The following PAAF1 variants were observed in gnomAD, a reference collection of about 807,000 sequenced individuals.
PAAF1 encodes proteasomal ATPase-associated factor 1.
A neutral mutation model predicts 52.8 loss-of-function variants in PAAF1; 46 were observed. That is an observed-to-expected ratio of 0.87 (90% CI 0.69 to 1.11). The LOEUF (loss-of-function observed/expected upper bound fraction) is 1.11, where lower values mean the gene tolerates loss of function less well. Ranked by LOEUF, PAAF1 falls within the 50% of genes most tolerant of loss-of-function variation. The pLI is 0.00. For synonymous variants in PAAF1, 178 were observed against 172.8 expected (o/e 1.03, Z -0.24); for missense variants, 424 against 477.4 (o/e 0.89, Z 1.04).
chr11:73,906,113 A>G lies in PAAF1; in HGVS notation c.533-3286A>G, dbSNP rs114085374. ...ATAAGAAACAAGATGGCAGCAAACC[A>G]TATGGGCTTGATAGATCTGTTTTTG... On this transcript the variant is annotated intron_variant, in intron 6 of 11. Transcript: ENST00000310571. 5.4e-3 allele frequency among the ~76,000 whole-genome samples: 824 copies of G among 152,360 alleles called. 8 individuals carry two copies. The highest frequency in any genetic ancestry group is 0.018 in the African/African-American group (745 of 41,580).
chr11:73,888,484 T>C (rs1321630628), intron 3 of PAAF1, among the ~76,000 whole-genome samples: 1 of 152,212 alleles, frequency 6.6e-6, no homozygotes, highest in Non-Finnish European at 1.5e-5. Context: ...TCCCTACTCA[T>C]TCTGACTGCT....
At chr11:73,895,938 C>T (rs1338646076) in intron 4 of PAAF1, among the ~76,000 whole-genome samples, 1 of 152,130 alleles carries the variant, frequency 6.6e-6, no homozygotes, top group African/African-American at 2.4e-5. Context: ...GGGACCCCAT[C>T]TCTCCAAAAA....
At chr11:73,922,810 C>T (rs1350221820) in intron 10 of PAAF1, among the ~76,000 whole-genome samples, 1 of 140,502 alleles carries the variant, frequency 7.1e-6, no homozygotes, top group African/African-American at 2.8e-5. Flanking sequence ...GAGCGAGACT[C>T]CGTCTCAAAA....
Position 73,929,287 on chromosome 11 carries a change from T to TGA in PAAF1, c.*1925_*1926insGA, listed in dbSNP as rs1950424439. 6.6e-6 allele frequency: 1 copy of TGA among 152,122 alleles called. No homozygotes were observed. The highest frequency in any genetic ancestry group is 1.5e-5 in the Non-Finnish European group (1 of 68,032). The allele number at this position is 152,122 out of a possible 1,614,324, so 9.4% of individuals were successfully genotyped here. A position where few individuals can be genotyped will look rare whatever the true frequency, so the allele number is the denominator to read the frequency against. On this transcript the variant is annotated 3_prime_UTR_variant, in exon 12 of 12. Transcript: ENST00000310571. ...GGTCTCAAACTCCTGAACTCAAGTA[T>TGA]TCCTCCCACCTTGGCCTCTCATAGT... is the stretch of plus-strand genomic sequence containing the variant.
intron 7 of PAAF1, among the ~76,000 whole-genome samples, chr11:73,909,874 G>C (rs1949881098): frequency 6.6e-6 from 1 of 152,006 alleles, no homozygotes; most frequent in Non-Finnish European, 1.5e-5. Flanking sequence ...GGCTTCCCTG[G>C]GCCACATTGG....
At chr11:73,924,306 CGTG>C (rs928329035) in intron 10 of PAAF1, among the ~76,000 whole-genome samples, 3 of 151,814 alleles carry the variant, frequency 2.0e-5, no homozygotes, top group African/African-American at 7.3e-5. Context: ...ATTAGCCAGG[CGTG>C]GTGGTGGGCA....
At chr11:73,900,123 G>A in intron 5 of PAAF1, 147 bp from the exon 6 acceptor site, 1 of 780,596 alleles carries the variant, frequency 1.3e-6, no homozygotes, top group East Asian at 2.6e-5. Context: ...AATGAGCTAA[G>A]AGATCCTTTG....
Position 73,924,691 on chromosome 11 carries a change from G to A in PAAF1, c.1095G>A (p.Val365=). Residue 365 remains valine, a synonymous_variant, in exon 11 of 12, where the codon GTG becomes GTA. Transcript: ENST00000310571. Reference sequence around the variant, plus strand: ...TCACTGGGGCTGACTGTGACCCTGTGTACAAGGTACAGGCCTGAGACGACA... The same window carrying A: ...TCACTGGGGCTGACTGTGACCCTGTATACAAGGTACAGGCCTGAGACGACA... The part of the protein sequence containing the change: ...TELTGADCDP[V]YKVATWEKQI... The A allele has an allele frequency of 6.2e-7, 1 of 1,613,762 alleles. No individual in the cohort carries two copies. Among genetic ancestry groups the A allele is most frequent in the South Asian group, 1.1e-5 (1 of 91,074 alleles).
rs115695940 is a variant in PAAF1 at position 73,878,857 on chromosome 11, G to A, written c.88+38G>A. ...AATTATATATGCTGTGACTTTAAAG[G>A]AGAAGGATTAATACCCTTAAAAGAA... On this transcript the variant is annotated intron_variant, in intron 2 of 11. Coordinates refer to ENST00000310571, the MANE Select transcript of PAAF1 (RefSeq NM_025155.3). 1.2e-3 allele frequency: 1,955 copies of A among 1,594,056 alleles called. 13 individuals are homozygous for A. The African/African-American group carries it at 0.018, about 15-fold the overall frequency.
intron 10 of PAAF1, 128 bp downstream of exon 10, chr11:73,919,160 T>C: frequency 1.3e-6 from 1 of 741,326 alleles, no homozygotes; most frequent in Non-Finnish European, 2.2e-6. Context: ...ATTGTACCTA[T>C]CAATAGTGTT....
At position 73,887,340 on chromosome 11, in the gene PAAF1, T is replaced by G. The variant is rs1320171636; in HGVS notation, c.89-14T>G. 1 of 1,579,010 alleles carries G rather than the reference T, an allele frequency of 6.3e-7. No homozygotes were observed. On this transcript the variant is annotated splice_polypyrimidine_tract_variant and intron_variant, in intron 2 of 11. Transcript: ENST00000310571. ...TTCTTATTTTTTGAGACATGCTTCT[T>G]TTGTACCATATAGGGAAACCATCTT...
At chr11:73,921,690 C>T in intron 10 of PAAF1, 1 of 845,144 alleles carries the variant, frequency 1.2e-6, no homozygotes, top group Non-Finnish European at 2.0e-6. Flanking sequence ...CTAGCATGAA[C>T]TGTCTCTTCA....
At chr11:73,910,609 T>A (rs898276270) in intron 7 of PAAF1, among the ~76,000 whole-genome samples, 7 of 152,120 alleles carry the variant, frequency 4.6e-5, no homozygotes, top group African/African-American at 1.7e-4. Flanking sequence ...TAGGACAATG[T>A]TTTTTCTACT....
chr11:73,905,979 T>C (rs1442142502), intron 6 of PAAF1, among the ~76,000 whole-genome samples: 1 of 152,222 alleles, frequency 6.6e-6, no homozygotes, highest in East Asian at 1.9e-4. Context: ...CTTAGGATTC[T>C]TAAAAGCTCT....
In PAAF1 at chr11:73,929,583, GCACCTTCTGCTGCACTGTGTAATCA is replaced by G; in HGVS notation, c.*2224_*2248del. On this transcript the variant is annotated 3_prime_UTR_variant, in exon 12 of 12. Transcript: ENST00000310571. ...AGAGGCTTCATTTGGACCTTGGACA[GCACCTTCTGCTGCACTGTGTAATCA>G]CAGGCAGGTAGCAAGAGACTTTTGT... 6.6e-6 allele frequency: 1 copy of G among 152,348 alleles called. No homozygotes were observed. The highest frequency in any genetic ancestry group is 1.5e-5 in the Non-Finnish European group (1 of 68,038). 9.4% of individuals were successfully genotyped at this position (152,348 alleles called of 1,614,324 possible). A position where few individuals can be genotyped will look rare whatever the true frequency, so the allele number is the denominator to read the frequency against.
At chr11:73,916,740 G>C (rs1950075275) in intron 9 of PAAF1, 80 bp downstream of exon 9, 2 of 895,554 alleles carry the variant, frequency 2.2e-6, no homozygotes, top group Non-Finnish European at 3.5e-6. Context: ...ATTTAGCCTA[G>C]CATATAGATA....
At chr11:73,895,841 T>G (rs1433829774) in intron 4 of PAAF1, among the ~76,000 whole-genome samples, 1 of 152,206 alleles carries the variant, frequency 6.6e-6, no homozygotes, top group Non-Finnish European at 1.5e-5. Flanking sequence ...GCGCGGTGGC[T>G]CACGCCTGTG....
In PAAF1 at chr11:73,899,238, A is replaced by G; in HGVS notation, c.375A>G (p.Glu125=). 6.2e-7 allele frequency: 1 copy of G among 1,613,332 alleles called. No homozygotes were observed. ...TMKIWQASNG[E]LRRVLEGHVF... ...AAATCTGGCAGGCTTCCAATGGAGA[A>G]CTCAGGGTAAAGGATTTGGATGTAC... The change falls in exon 5 of 12, where the codon GAA becomes GAG. Residue 125 remains glutamate, a synonymous_variant. Transcript: ENST00000310571.
chr11:73,885,567 C>T (rs765836335), intron 2 of PAAF1, among the ~76,000 whole-genome samples: 12 of 151,584 alleles, frequency 7.9e-5, no homozygotes, highest in African/African-American at 1.9e-4. Context: ...CCGGCCTGGT[C>T]GTGGTGGCTC....
Sources: gnomAD v4.1 joint callset for allele counts (sites outside exome capture counted in the v4.1 genomes callset) on GRCh38, gnomAD v4.1.1 for gene constraint, MANE v1.5 for transcripts, NCBI Gene and HGNC (gene_info 2026-07-23, HGNC 2026-07-21) for gene names.